Variants in KCNT2 observed in about 807,000 individuals in gnomAD.
KCNT2 encodes the protein potassium sodium-activated channel subfamily T member 2.
A neutral mutation model predicts 153.8 loss-of-function variants in KCNT2; 67 were observed. The ratio of observed to expected loss-of-function variants is 0.44; its 90% CI spans 0.36 to 0.53. KCNT2 has a LOEUF of 0.53. KCNT2 is among the 20% of genes least tolerant of loss of function. KCNT2 has a pLI of 0.00. For missense variants in KCNT2, 975 were observed against 1,354.8 expected, an observed-to-expected ratio of 0.72 and a Z score of 4.40; for synonymous variants, 500 against 458.8, an observed-to-expected ratio of 1.09 and a Z score of -1.15.
chr1:196,503,801 CA>C (rs1364977563), intron 1 of KCNT2, among the ~76,000 whole-genome samples: 1 of 152,036 alleles, frequency 6.6e-6, no homozygotes, highest in Non-Finnish European at 1.5e-5. Context: ...CACTTCCCAC[CA>C]AAAACATACG....
intron 13 of KCNT2, among the ~76,000 whole-genome samples, chr1:196,388,019 T>C (rs924600293): frequency 2.6e-5 from 4 of 151,658 alleles, no homozygotes; most frequent in Non-Finnish European, 5.9e-5. Context: ...CATTCCTCTA[T>C]GTTTTATTTT....
intron 5 of KCNT2, among the ~76,000 whole-genome samples, chr1:196,472,981 T>C (rs141432736): frequency 1.3e-5 from 2 of 152,326 alleles, no homozygotes; most frequent in African/African-American, 4.8e-5. Context: ...AATGTGATTA[T>C]ATCATGCAAG....
intron 14 of KCNT2, among the ~76,000 whole-genome samples, chr1:196,364,696 TTC>T: frequency 6.6e-6 from 1 of 152,228 alleles, no homozygotes; most frequent in East Asian, 1.9e-4. Context: ...AAATCAGGTA[TTC>T]TGTTTTTCTT....
intron 26 of KCNT2, among the ~76,000 whole-genome samples, chr1:196,250,143 C>T (rs748544568): frequency 3.3e-5 from 5 of 151,518 alleles, no homozygotes; most frequent in African/African-American, 4.8e-5. Context: ...GTATAGCTAC[C>T]CTGAGCAAAA....
At chr1:196,257,833 T>C (rs1316917219) in intron 26 of KCNT2, 7 of 985,134 alleles carry the variant, frequency 7.1e-6, no homozygotes, top group Non-Finnish European at 8.4e-6. Context: ...ATGCCTCAAA[T>C]TCATTTTATC....
At chr1:196,238,131 A>T (rs1369377142) in intron 26 of KCNT2, among the ~76,000 whole-genome samples, 3 of 151,898 alleles carry the variant, frequency 2.0e-5, no homozygotes, top group Non-Finnish European at 4.4e-5. Flanking sequence ...ATACAGGAAA[A>T]AACAATTTAA....
chr1:196,371,481 T>C (rs946635363), intron 14 of KCNT2, among the ~76,000 whole-genome samples: 1 of 152,040 alleles, frequency 6.6e-6, no homozygotes, highest in African/African-American at 2.4e-5. Flanking sequence ...ACACTTTAAA[T>C]GGGTGAATTG....
chr1:196,595,420 G>A (rs887846271), intron 1 of KCNT2, among the ~76,000 whole-genome samples: 1 of 152,006 alleles, frequency 6.6e-6, no homozygotes, highest in African/African-American at 2.4e-5. Context: ...ATAGTCATGT[G>A]CTTTATATAT....
intron 13 of KCNT2, among the ~76,000 whole-genome samples, chr1:196,374,046 A>AT (rs1417956511): frequency 1.3e-5 from 2 of 151,884 alleles, no homozygotes; most frequent in Admixed American, 6.6e-5. Context: ...CAGATATTCT[A>AT]TTTTCTACAG....
At chr1:196,340,663 C>G in intron 15 of KCNT2, 93 bp from the exon 16 acceptor site, 1 of 735,366 alleles carries the variant, frequency 1.4e-6, no homozygotes. Context: ...CATTTTAAAG[C>G]TTGAAATGAT....
At chr1:196,263,401 C>G (rs185239473) in intron 25 of KCNT2, among the ~76,000 whole-genome samples, 1 of 152,038 alleles carries the variant, frequency 6.6e-6, no homozygotes, top group Non-Finnish European at 1.5e-5. Flanking sequence ...AAACCAAACA[C>G]TGCATATTCT....
At position 196,429,582 on chromosome 1, in the gene KCNT2, T is replaced by C; in HGVS notation, c.814A>G (p.Ile272Val). 3.1e-6 allele frequency: 5 copies of C among 1,603,870 alleles called. 1 individual carries two copies. The South Asian group carries it at 5.6e-5, about 18-fold the overall frequency. The change falls in exon 9 of 28, where the codon ATA becomes GTA. Residue 272 changes from isoleucine (I) to valine (V), a missense_variant. Ile to Val is a conservative substitution (Grantham distance 29, BLOSUM62 3). Transcript: ENST00000294725. ...MICVALVVLP[I>V]QFEQLAYLWM... ...TATAAGATGGTTTTGTTTACCTGTA[T>C]GGGTAGAACCACAAGAGCAACACAA...
At chr1:196,323,607 C>CA (rs1299276504) in intron 19 of KCNT2, among the ~76,000 whole-genome samples, 1 of 151,794 alleles carries the variant, frequency 6.6e-6, no homozygotes, top group Non-Finnish European at 1.5e-5. Flanking sequence ...TATTTGAAAA[C>CA]ATTGTGAACA....
intron 1 of KCNT2, among the ~76,000 whole-genome samples, chr1:196,498,862 T>C (rs1232069773): frequency 1.3e-5 from 2 of 152,228 alleles, no homozygotes; most frequent in African/African-American, 4.8e-5. Context: ...CTATTTTTTC[T>C]AAGGTCATTG....
chr1:196,448,169 G>A (rs982004231), intron 8 of KCNT2, among the ~76,000 whole-genome samples: 14 of 151,508 alleles, frequency 9.2e-5, no homozygotes, highest in African/African-American at 2.7e-4. Flanking sequence ...ACTCATTTCT[G>A]ATGTCCAACT....
intron 1 of KCNT2, among the ~76,000 whole-genome samples, chr1:196,579,755 A>T (rs1387666676): frequency 1.3e-5 from 2 of 152,076 alleles, no homozygotes; most frequent in East Asian, 1.9e-4. Context: ...TCCCTCCAAA[A>T]GTGCGGCGAT....
At chr1:196,237,787 C>T (rs1267685054) in intron 26 of KCNT2, among the ~76,000 whole-genome samples, 2 of 151,604 alleles carry the variant, frequency 1.3e-5, no homozygotes, top group African/African-American at 4.8e-5. Context: ...TGTTAGATGG[C>T]TAAGTTAACT....
chr1:196,315,847 T>C (rs774994237), intron 21 of KCNT2, 45 bp downstream of exon 21: 6 of 1,549,376 alleles, frequency 3.9e-6, no homozygotes, highest in African/African-American at 1.4e-5. Flanking sequence ...TTTACCAATG[T>C]TTAGCACAAA....
At chr1:196,413,603 T>C (rs1672514256) in intron 12 of KCNT2, among the ~76,000 whole-genome samples, 1 of 151,668 alleles carries the variant, frequency 6.6e-6, no homozygotes, top group African/African-American at 2.4e-5. Flanking sequence ...AAAGCGTATG[T>C]CATGTGCTTT....
Sources: allele counts gnomAD v4.1 joint callset (sites outside exome capture counted in the v4.1 genomes callset), GRCh38; gene constraint gnomAD v4.1.1; transcripts MANE v1.5; gene names NCBI Gene and HGNC (gene_info 2026-07-23, HGNC 2026-07-21).